Variants in CTIF observed in about 807,000 individuals in gnomAD.
CTIF encodes CBP80/20-dependent translation initiation factor.
Under a neutral mutation model 66.0 loss-of-function variants are expected in CTIF, and 21 were observed. That is an observed-to-expected ratio of 0.32 (90% confidence interval 0.23 to 0.46). CTIF has a LOEUF of 0.46. CTIF is among the 20% of genes least tolerant of loss of function. The pLI, the probability that CTIF is intolerant of heterozygous loss-of-function variation, is 1.00. For synonymous variants in CTIF, 345 were observed against 326.4 expected (o/e 1.06, Z -0.62); for missense variants, 739 against 812.7 (o/e 0.91, Z 1.10).
At chr18:48,859,119 A>C (rs1224647431) in intron 11 of CTIF, among the ~76,000 whole-genome samples, 1 of 152,086 alleles carries the variant, frequency 6.6e-6, no homozygotes, top group Non-Finnish European at 1.5e-5. Flanking sequence ...CAATATTCGG[A>C]TCCCTCTGGA....
chr18:48,798,162 A>G (rs954570066), intron 9 of CTIF, among the ~76,000 whole-genome samples: 1 of 152,226 alleles, frequency 6.6e-6, no homozygotes, highest in Non-Finnish European at 1.5e-5. Flanking sequence ...ATCTGGGGAC[A>G]CTGGCGTGGG....
At chr18:48,612,141 A>G (rs1327064298) in intron 1 of CTIF, among the ~76,000 whole-genome samples, 1 of 152,184 alleles carries the variant, frequency 6.6e-6, no homozygotes, top group East Asian at 1.9e-4. Context: ...TTTGGCAAAC[A>G]CCAACATGGT....
At chr18:48,582,483 G>T (rs2089681286) in intron 1 of CTIF, among the ~76,000 whole-genome samples, 1 of 152,118 alleles carries the variant, frequency 6.6e-6, no homozygotes, top group African/African-American at 2.4e-5. Context: ...CGTCTTTGTT[G>T]CCTGCATAGG....
intron 7 of CTIF, among the ~76,000 whole-genome samples, chr18:48,734,543 G>A (rs953978115): frequency 6.6e-6 from 1 of 152,212 alleles, no homozygotes; most frequent in East Asian, 1.9e-4. Context: ...TCTAGCCTGG[G>A]TGACAGAGTG....
chr18:48,629,729 C>A (rs1056969096), intron 2 of CTIF, among the ~76,000 whole-genome samples: 1 of 151,854 alleles, frequency 6.6e-6, no homozygotes, highest in Non-Finnish European at 1.5e-5. Flanking sequence ...TTTGAATGAT[C>A]CCTATTTCTG....
chr18:48,573,418 G>A (rs568602298), intron 1 of CTIF, among the ~76,000 whole-genome samples: 2 of 152,288 alleles, frequency 1.3e-5, no homozygotes, highest in East Asian at 3.9e-4. Context: ...TACTTTGCAG[G>A]AAAAGACAAA....
intron 1 of CTIF, among the ~76,000 whole-genome samples, chr18:48,603,516 T>TGGATGGAC (rs2090142642): frequency 4.1e-5 from 6 of 147,568 alleles, no homozygotes; most frequent in African/African-American, 1.5e-4. Context: ...GATGGATGGA[T>TGGATGGAC]GGATGGATGG....
intron 10 of CTIF, among the ~76,000 whole-genome samples, chr18:48,853,561 C>A (rs922584701): frequency 1.3e-5 from 2 of 152,220 alleles, no homozygotes; most frequent in Admixed American, 6.5e-5. Context: ...CACCTCTGCT[C>A]ACTCATCCCA....
chr18:48,764,092 G>C lies in CTIF; in HGVS notation c.1371+2403G>C, dbSNP rs186423227. ...ACTCTCCCCCAGAATTCACTTCTCT[G>C]TCCCACTCTGAGCATGCACCTCCCC... On this transcript the variant is annotated intron_variant, in intron 9 of 11. Coordinates refer to ENST00000256413, the MANE Select transcript of CTIF (RefSeq NM_014772.3). 5.9e-5 allele frequency among the ~76,000 whole-genome samples: 9 copies of C among 152,044 alleles called. No homozygotes were observed. In the East Asian group the frequency reaches 1.5e-3, roughly 26 times the overall value.
intron 1 of CTIF, among the ~76,000 whole-genome samples, chr18:48,586,461 G>A (rs2089771293): frequency 6.6e-6 from 1 of 151,850 alleles, no homozygotes; most frequent in Non-Finnish European, 1.5e-5. Context: ...AGTAGAGACA[G>A]GATTTCACCA....
chr18:48,711,629 C>A lies in CTIF; in HGVS notation c.518C>A (p.Pro173Gln), dbSNP rs777361464. Residue 173 changes from proline to glutamine, a missense_variant, in exon 7 of 12, where the codon CCG becomes CAG. By Grantham distance (76) the Pro-to-Gln change is moderately conservative. Coordinates refer to ENST00000256413, the MANE Select transcript of CTIF (RefSeq NM_014772.3). The stretch of plus-strand genomic sequence containing the variant: ...CCCCCCATGACACAGGGCTACCACC[C>A]GATGCCCCATGAAGTGGAGATCGCA... ...KVLPAWQGYH[P>Q]MPHEVEIAHT... The A allele has an allele frequency of 6.8e-6, 11 of 1,613,888 alleles. 1 individual carries two copies. In the Admixed American group the frequency reaches 1.5e-4, roughly 22 times the overall value.
chr18:48,539,128 T>TTCCC lies in CTIF; in HGVS notation c.-200_-197dup, dbSNP rs1427618825. On this transcript the variant is annotated 5_prime_UTR_variant, in exon 1 of 12. Coordinates refer to ENST00000256413, the MANE Select transcript of CTIF (RefSeq NM_014772.3). ...ACCCGCCCCTCCCTCCCTGTTTCCC[T>TTCCC]TCCCTCCCTCCCTCCCCTCTCTGCT... 6 of 48,064 alleles carry TTCCC rather than the reference T, an allele frequency of 1.2e-4. No individual in the cohort carries two copies. The highest frequency in any genetic ancestry group is 6.8e-4 in the South Asian group (1 of 1,462). 3.0% of individuals were successfully genotyped at this position (48,064 alleles called of 1,614,324 possible). A position where few individuals can be genotyped will look rare whatever the true frequency, so the allele number is the denominator to read the frequency against.
chr18:48,830,708 T>C (rs984601807), intron 10 of CTIF, among the ~76,000 whole-genome samples: 1 of 151,466 alleles, frequency 6.6e-6, no homozygotes, highest in African/African-American at 2.4e-5. Context: ...TGTCCAGGGC[T>C]CTGCTCAGAA....
At chr18:48,752,858 T>C (rs1907971906) in intron 7 of CTIF, among the ~76,000 whole-genome samples, 1 of 152,236 alleles carries the variant, frequency 6.6e-6, no homozygotes. Context: ...GCCAATACCA[T>C]GATGTCCCTT....
chr18:48,651,062 G>A (rs1353650378), intron 3 of CTIF, among the ~76,000 whole-genome samples: 10 of 152,178 alleles, frequency 6.6e-5, no homozygotes, highest in African/African-American at 2.4e-4. Context: ...AAAGACCATC[G>A]AGGCTAGGAA....
intron 1 of CTIF, chr18:48,539,629 C>A (rs1444470745): frequency 6.6e-6 from 1 of 152,666 alleles, no homozygotes; most frequent in Non-Finnish European, 1.5e-5. Flanking sequence ...CCAAGGGGGG[C>A]TCTTGGGGGA....
At chr18:48,755,325 G>A (rs1183872863) in intron 7 of CTIF, among the ~76,000 whole-genome samples, 1 of 152,238 alleles carries the variant, frequency 6.6e-6, no homozygotes, top group Non-Finnish European at 1.5e-5. Context: ...GCACCCTGGA[G>A]AGTGGTCTGT....
At chr18:48,561,811 A>G (rs566126999) in intron 1 of CTIF, among the ~76,000 whole-genome samples, 1 of 152,276 alleles carries the variant, frequency 6.6e-6, no homozygotes, top group South Asian at 2.1e-4. Flanking sequence ...TGTGTCAGAT[A>G]ATTACCCCCA....
intron 10 of CTIF, among the ~76,000 whole-genome samples, chr18:48,841,223 A>G (rs992936778): frequency 6.6e-6 from 1 of 152,218 alleles, no homozygotes; most frequent in Non-Finnish European, 1.5e-5. Context: ...GTAGGTTGGC[A>G]TAGCCTTGCA....
Sources: allele counts gnomAD v4.1 joint callset (sites outside exome capture counted in the v4.1 genomes callset), GRCh38; gene constraint gnomAD v4.1.1; transcripts MANE v1.5; gene names NCBI Gene and HGNC (gene_info 2026-07-23, HGNC 2026-07-21).